The following RPLP1 variants were observed in gnomAD, a reference collection of about 807,000 sequenced individuals.
RPLP1 encodes the protein ribosomal protein lateral stalk subunit P1, also known as large ribosomal subunit protein P1.
A neutral mutation model predicts 11.6 loss-of-function variants in RPLP1; 4 were observed. That is an observed-to-expected ratio of 0.34 (90% CI 0.17 to 0.79). The LOEUF (loss-of-function observed/expected upper bound fraction) is 0.79, where lower values mean the gene tolerates loss of function less well. Among genes scored for constraint, RPLP1 ranks in the 30% least tolerant of loss-of-function variants. The pLI is 0.55. For synonymous variants in RPLP1, 54 were observed against 52.2 expected, an observed-to-expected ratio of 1.03 and a Z score of -0.15; for missense variants, 133 against 142.8, an observed-to-expected ratio of 0.93 and a Z score of 0.35.
intron 2 of RPLP1, chr15:69,454,554 T>C (rs1892405687): frequency 6.6e-6 from 1 of 152,226 alleles, no homozygotes; most frequent in South Asian, 2.1e-4. Context: ...TTGTGACCTC[T>C]AAAGAGTTTT....
rs1180163220 is a variant in RPLP1, at chr15:69,453,195, C to T, written c.72+175C>T. 1.9e-5 allele frequency: 12 copies of T among 635,334 alleles called. No individual in the cohort carries two copies. In the East Asian group the frequency reaches 2.8e-4, roughly 15 times the overall value. 39.4% of individuals were successfully genotyped at this position (635,334 alleles called of 1,614,324 possible). A position where few individuals can be genotyped will look rare whatever the true frequency, so the allele number is the denominator to read the frequency against. On this transcript the variant is annotated intron_variant, in intron 1 of 3. Transcript: ENST00000260379. Reference sequence around the variant, plus strand: ...GGCTGGGGCCTCTCTCCGGGCAGGTCCTGGGCCCCCGGGACCACGTGCGGG... The same window carrying T: ...GGCTGGGGCCTCTCTCCGGGCAGGTTCTGGGCCCCCGGGACCACGTGCGGG...
At chr15:69,454,990 C>CAGT (rs1892412552) in intron 2 of RPLP1, 180 bp from the exon 3 acceptor site, 4 of 779,520 alleles carry the variant, frequency 5.1e-6, no homozygotes, top group Middle Eastern at 4.4e-4. Context: ...TAGAAGTCTA[C>CAGT]ATGTTTGGTA....
At chr15:69,453,624 A>G (rs1489868673) in intron 1 of RPLP1, 23 bp from the exon 2 acceptor site, 2 of 1,613,102 alleles carry the variant, frequency 1.2e-6, no homozygotes, top group Non-Finnish European at 1.7e-6. Flanking sequence ...GTTTTGATGG[A>G]TTGACGTTTT....
At position 69,452,846 on chromosome 15, in the gene RPLP1, T is replaced by G. The variant is rs1372930130; in HGVS notation, c.-103T>G. On this transcript the variant is annotated 5_prime_UTR_variant, in exon 1 of 4. Transcript: ENST00000260379. ...CTTTCCTCAGCTGCCGCCAAGGTGCTCGGTCCTTCCGAGGAAGCTAAGGCT... is the reference window on the plus strand; with the variant it reads ...CTTTCCTCAGCTGCCGCCAAGGTGCGCGGTCCTTCCGAGGAAGCTAAGGCT... 2.7e-6 allele frequency: 3 copies of G among 1,097,988 alleles called. No homozygotes were observed. The South Asian group carries it at 4.0e-5, about 15-fold the overall frequency. 68.0% of individuals were successfully genotyped at this position (1,097,988 alleles called of 1,614,324 possible).
chr15:69,454,589 T>C (rs1892406605), intron 2 of RPLP1: 1 of 152,246 alleles, frequency 6.6e-6, no homozygotes, highest in Non-Finnish European at 1.5e-5. Flanking sequence ...ATTGTACCTA[T>C]GTCATATTTA....
rs376127977 is a variant in RPLP1, at chr15:69,452,848, G to C, written c.-101G>C. 1.3e-5 allele frequency: 14 copies of C among 1,112,588 alleles called. No homozygotes were observed. The highest frequency in any genetic ancestry group is 2.7e-5 in the South Asian group (2 of 75,024). 68.9% of individuals were successfully genotyped at this position (1,112,588 alleles called of 1,614,324 possible). A position where few individuals can be genotyped will look rare whatever the true frequency, so the allele number is the denominator to read the frequency against. On this transcript the variant is annotated 5_prime_UTR_variant, in exon 1 of 4. Transcript: ENST00000260379. ...TTCCTCAGCTGCCGCCAAGGTGCTC[G>C]GTCCTTCCGAGGAAGCTAAGGCTGC...
chr15:69,453,111 A>G, intron 1 of RPLP1, 91 bp downstream of exon 1: 1 of 1,218,646 alleles, frequency 8.2e-7, no homozygotes, highest in African/African-American at 1.5e-5. Context: ...CGTTCGACTG[A>G]GCACTTCCGG....
At position 69,453,054 on chromosome 15, in the gene RPLP1, C is replaced by CT. The variant is rs746542858; in HGVS notation, c.72+35dup. The CT allele has an allele frequency of 5.1e-5, 78 of 1,538,444 alleles. No homozygotes were observed. In the African/African-American group the frequency reaches 9.6e-4, roughly 19 times the overall value. Reference sequence around the variant, plus strand: ...GGGCGCGGGCCGGCGGCCGGGCTGCCTGTGGGCGGTGACTTTCGGCTCTCC... The same window carrying CT: ...GGGCGCGGGCCGGCGGCCGGGCTGCCTTGTGGGCGGTGACTTTCGGCTCTCC... On this transcript the variant is annotated intron_variant, in intron 1 of 3. Coordinates refer to ENST00000260379, the MANE Select transcript of RPLP1 (RefSeq NM_001003.3).
rs550855075 is a variant in RPLP1 at position 69,452,856 on chromosome 15, C to T, written c.-93C>T. 1.4e-4 allele frequency: 166 copies of T among 1,217,260 alleles called. No individual in the cohort carries two copies. Among genetic ancestry groups the T allele is most frequent in the Middle Eastern group, 2.5e-4 (1 of 4,012 alleles). The allele number at this position is 1,217,260 out of a possible 1,614,324, so 75.4% of individuals were successfully genotyped here. A position where few individuals can be genotyped will look rare whatever the true frequency, so the allele number is the denominator to read the frequency against. ...CTGCCGCCAAGGTGCTCGGTCCTTC[C>T]GAGGAAGCTAAGGCTGCGTTGGGGT... On this transcript the variant is annotated 5_prime_UTR_variant, in exon 1 of 4. Transcript: ENST00000260379.
chr15:69,453,601 T>A (rs755257704), intron 1 of RPLP1, 46 bp from the exon 2 acceptor site: 1 of 1,591,132 alleles, frequency 6.3e-7, no homozygotes, highest in East Asian at 2.2e-5. Context: ...TTTGGAGATA[T>A]TACATACGCT....
Position 69,453,031 on chromosome 15 carries a change from G to T in RPLP1, c.72+11G>T, listed in dbSNP as rs1324638079. 4 of 1,553,506 alleles carry T rather than the reference G, an allele frequency of 2.6e-6. No homozygotes were observed. Among genetic ancestry groups the T allele is most frequent in the Admixed American group, 3.9e-5 (2 of 51,490 alleles). ...GAGGTGACAGTCACGGTGAGTGCGG[G>T]CGCGGGCCGGCGGCCGGGCTGCCTG... On this transcript the variant is annotated intron_variant, in intron 1 of 3. Coordinates refer to ENST00000260379, the MANE Select transcript of RPLP1 (RefSeq NM_001003.3).
rs1396766820 is a variant in RPLP1, at chr15:69,453,680, G to A, written c.106G>A (p.Gly36Ser). 6.2e-7 allele frequency: 1 copy of A among 1,614,096 alleles called. No homozygotes were observed. The highest frequency in any genetic ancestry group is 1.1e-5 in the South Asian group (1 of 91,076). Residue 36 changes from glycine to serine, a missense_variant, in exon 2 of 4, where the codon GGT becomes AGT. Coordinates refer to ENST00000260379, the MANE Select transcript of RPLP1 (RefSeq NM_001003.3). ...DKINALIKAA[G>S]VNVEPFWPGL... ...GATCAATGCCCTCATTAAAGCAGCC[G>A]GTGTAAATGTTGAGCCTTTTTGGCC... is the stretch of plus-strand genomic sequence containing the variant.
At chr15:69,454,470 T>C (rs1227152337) in intron 2 of RPLP1, 1 of 152,256 alleles carries the variant, frequency 6.6e-6, no homozygotes, top group East Asian at 1.9e-4. Context: ...GTCATGGAGC[T>C]TGCACTGGCT....
chr15:69,455,053 T>G (rs1343045704), intron 2 of RPLP1, 117 bp from the exon 3 acceptor site: 1 of 1,403,720 alleles, frequency 7.1e-7, no homozygotes, highest in African/African-American at 1.5e-5. Context: ...TCACTGTATA[T>G]AGTGTTAGGG....
At chr15:69,453,913 A>T in intron 2 of RPLP1, 192 bp downstream of exon 2, 1 of 588,956 alleles carries the variant, frequency 1.7e-6, no homozygotes, top group Non-Finnish European at 3.0e-6. Context: ...TCCTTATCAG[A>T]CTCTGGTTTC....
chr15:69,455,187 C>T lies in RPLP1; in HGVS notation c.165C>T (p.Asn55=). The change falls in exon 3 of 4, where the codon AAC becomes AAT. Residue 55 remains asparagine, a synonymous_variant. Coordinates refer to ENST00000260379, the MANE Select transcript of RPLP1 (RefSeq NM_001003.3). The part of the protein sequence containing the change: ...GLFAKALANV[N]IGSLICNVGA... ...TATTGCAGGCCCTGGCCAACGTCAA[C>T]ATTGGGAGCCTCATCTGCAATGTAG... The T allele has an allele frequency of 1.3e-6, 2 of 1,596,520 alleles. No individual in the cohort carries two copies. The highest frequency in any genetic ancestry group is 1.7e-6 in the Non-Finnish European group (2 of 1,173,246).
chr15:69,455,381 A>C, intron 3 of RPLP1, 47 bp from the exon 4 acceptor site: 1 of 1,572,888 alleles, frequency 6.4e-7, no homozygotes, highest in Non-Finnish European at 8.6e-7. Flanking sequence ...TTTCACAAGT[A>C]TATGAAGTAT....
intron 2 of RPLP1, chr15:69,454,385 T>G (rs1243264048): frequency 6.6e-6 from 1 of 152,370 alleles, no homozygotes; most frequent in Admixed American, 6.5e-5. Context: ...TTGATGGACA[T>G]TTGGGTTTAG....
chr15:69,453,046 C>T, intron 1 of RPLP1, 26 bp downstream of exon 1: 2 of 1,546,944 alleles, frequency 1.3e-6, no homozygotes, highest in Non-Finnish European at 1.7e-6. Context: ...GGCCGGCGGC[C>T]GGGCTGCCTG....
Sources: gnomAD v4.1 joint callset for allele counts on GRCh38, gnomAD v4.1.1 for gene constraint, MANE v1.5 for transcripts, NCBI Gene and HGNC (gene_info 2026-07-23, HGNC 2026-07-21) for gene names.